The following FAT3 variants were observed in gnomAD, a reference collection of about 807,000 sequenced individuals.
FAT3 encodes FAT atypical cadherin 3, also known as protocadherin Fat 3.
In FAT3, 95 loss-of-function variants were observed where a neutral mutation model predicts 310.2. That is an observed-to-expected ratio of 0.31 (90% CI 0.26 to 0.36). The LOEUF (loss-of-function observed/expected upper bound fraction) is 0.36, where lower values mean the gene tolerates loss of function less well. Among genes scored for constraint, FAT3 ranks in the 10% least tolerant of loss-of-function variants. FAT3 has a pLI of 1.00. For synonymous variants in FAT3, 2,314 were observed against 2,192.9 expected (o/e 1.06, Z -1.54); for missense variants, 5,408 against 5,715.6 (o/e 0.95, Z 1.74).
chr11:92,321,764 A>G (rs1384354084), intron 1 of FAT3, among the ~76,000 whole-genome samples: 1 of 152,178 alleles, frequency 6.6e-6, no homozygotes, highest in Non-Finnish European at 1.5e-5. Flanking sequence ...ATAACCACTA[A>G]TGGTAACCCC....
chr11:92,229,492 G>GTTTTTTTTTTTTTTTTTTTTTCTTTT (rs780129800), intron 1 of FAT3, among the ~76,000 whole-genome samples: 1 of 60,236 alleles, frequency 1.7e-5, no homozygotes, highest in African/African-American at 5.9e-5. Context: ...GTTTTTTCGT[G>GTTTTTTTTTTTTTTTTTTTTTCTTTT]TTTTTTTTTT....
rs181532020 is a variant in FAT3, at chr11:92,268,387, A to G, written c.-18+43213A>G. Among the ~76,000 whole-genome samples, 16 of 152,192 alleles carry G rather than the reference A, an allele frequency of 1.1e-4. No homozygotes were observed. In the East Asian group the frequency reaches 1.9e-3, roughly 18 times the overall value. On this transcript the variant is annotated intron_variant, in intron 1 of 27. Transcript: ENST00000525166. Reference sequence around the variant, plus strand: ...TAGCTGCCTTAACTTCCCTAAACAGAGATCTTTTCCATAGATTATATGACG... The same window carrying G: ...TAGCTGCCTTAACTTCCCTAAACAGGGATCTTTTCCATAGATTATATGACG...
At chr11:92,536,665 C>T (rs930813225) in intron 3 of FAT3, among the ~76,000 whole-genome samples, 2 of 152,136 alleles carry the variant, frequency 1.3e-5, no homozygotes, top group Non-Finnish European at 2.9e-5. Context: ...AGGCCTTAGA[C>T]AGTTCGTCTT....
chr11:92,432,035 A>G (rs1204167369), intron 2 of FAT3, among the ~76,000 whole-genome samples: 1 of 152,184 alleles, frequency 6.6e-6, no homozygotes, highest in Non-Finnish European at 1.5e-5. Flanking sequence ...TTCTGTGAAG[A>G]AAGTCATTGG....
chr11:92,649,130 A>G (rs756631477), intron 3 of FAT3, among the ~76,000 whole-genome samples: 1 of 152,202 alleles, frequency 6.6e-6, no homozygotes, highest in Non-Finnish European at 1.5e-5. Flanking sequence ...AACAGATCTC[A>G]CCCTGGATTG....
chr11:92,291,009 C>T (rs1480303255), intron 1 of FAT3, among the ~76,000 whole-genome samples: 1 of 151,730 alleles, frequency 6.6e-6, no homozygotes, highest in South Asian at 2.1e-4. Context: ...TAGCTGTCCT[C>T]TTAAGGTGTC....
chr11:92,407,174 G>C (rs1462133825), intron 2 of FAT3, among the ~76,000 whole-genome samples: 1 of 152,182 alleles, frequency 6.6e-6, no homozygotes, highest in Non-Finnish European at 1.5e-5. Flanking sequence ...CAAGAGGGTA[G>C]TGGGGGCAAA....
At position 92,237,981 on chromosome 11, in the gene FAT3, C is replaced by T. The variant is rs530068385; in HGVS notation, c.-18+12807C>T. Among the ~76,000 whole-genome samples the T allele has an allele frequency of 5.9e-5, 9 of 152,206 alleles. No individual in the cohort carries two copies. In the South Asian group the frequency reaches 1.5e-3, roughly 25 times the overall value. The stretch of plus-strand genomic sequence containing the variant: ...CATACGCACTTTTGTTCTGGCATCA[C>T]CCATGTCCTATGAAGTAGATATTAA... On this transcript the variant is annotated intron_variant, in intron 1 of 27. Transcript: ENST00000525166.
At chr11:92,730,310 T>A (rs2135997001) in intron 4 of FAT3, among the ~76,000 whole-genome samples, 1 of 152,300 alleles carries the variant, frequency 6.6e-6, no homozygotes, top group South Asian at 2.1e-4. Context: ...TGTACTTCAG[T>A]CTGAGAGACA....
chr11:92,572,731 T>G (rs1331657840), intron 3 of FAT3, among the ~76,000 whole-genome samples: 1 of 152,196 alleles, frequency 6.6e-6, no homozygotes, highest in African/African-American at 2.4e-5. Flanking sequence ...AAGTTGTCCT[T>G]GTTCAGCCTA....
At chr11:92,561,392 A>C (rs1307759153) in intron 3 of FAT3, among the ~76,000 whole-genome samples, 2 of 152,086 alleles carry the variant, frequency 1.3e-5, no homozygotes, top group Non-Finnish European at 2.9e-5. Flanking sequence ...AAGAAAAGTC[A>C]ATTATTTGTT....
chr11:92,764,832 C>G (rs764703117), intron 5 of FAT3, 47 bp from the exon 6 acceptor site: 1 of 1,558,074 alleles, frequency 6.4e-7, no homozygotes, highest in Non-Finnish European at 8.8e-7. Flanking sequence ...AACTCTACAA[C>G]AATCAGAGGT....
intron 2 of FAT3, among the ~76,000 whole-genome samples, chr11:92,386,791 A>C (rs563187649): frequency 2.0e-5 from 3 of 152,362 alleles, no homozygotes; most frequent in Admixed American, 2.0e-4. Context: ...AACTGCTCCC[A>C]TTACAGCTTG....
chr11:92,775,353 A>G lies in FAT3; in HGVS notation c.4335+1173A>G, dbSNP rs117249339. On this transcript the variant is annotated intron_variant, in intron 7 of 27. Coordinates refer to ENST00000525166, the MANE Select transcript of FAT3 (RefSeq NM_001367949.2). ...AGTTTGAGACTATTTGAAAAATATA[A>G]TGCAACTCTTTTCTTTGAATCTGTT... is the stretch of plus-strand genomic sequence containing the variant. Among the ~76,000 whole-genome samples the G allele has an allele frequency of 7.3e-3, 1,110 of 152,342 alleles. 11 individuals are homozygous for G. Among genetic ancestry groups the G allele is most frequent in the African/African-American group, 0.026 (1,083 of 41,584 alleles).
chr11:92,722,069 A>G (rs1944877196), intron 4 of FAT3, among the ~76,000 whole-genome samples: 1 of 152,064 alleles, frequency 6.6e-6, no homozygotes, highest in African/African-American at 2.4e-5. Flanking sequence ...ATGACTTCTC[A>G]ACAGTCCCCC....
At chr11:92,229,654 T>C (rs907944584) in intron 1 of FAT3, among the ~76,000 whole-genome samples, 73 of 151,798 alleles carry the variant, frequency 4.8e-4, no homozygotes, top group Admixed American at 2.6e-4. Flanking sequence ...TCTAGTGGCT[T>C]CAAGCCAGTT....
intron 4 of FAT3, among the ~76,000 whole-genome samples, chr11:92,752,656 T>C (rs1008596571): frequency 1.3e-5 from 2 of 152,362 alleles, no homozygotes; most frequent in East Asian, 3.9e-4. Context: ...ACAGGTGTGA[T>C]TATATTATAT....
chr11:92,377,763 C>T (rs900550671), intron 2 of FAT3, among the ~76,000 whole-genome samples: 1 of 152,202 alleles, frequency 6.6e-6, no homozygotes, highest in East Asian at 1.9e-4. Flanking sequence ...GATCACTGCT[C>T]AGTAGGTATT....
At chr11:92,846,039 G>A (rs1948675543) in intron 19 of FAT3, among the ~76,000 whole-genome samples, 1 of 152,190 alleles carries the variant, frequency 6.6e-6, no homozygotes, top group South Asian at 2.1e-4. Context: ...TGCATGCTAG[G>A]TGAAATGCAT....
Sources: gnomAD v4.1 joint callset for allele counts (sites outside exome capture counted in the v4.1 genomes callset) on GRCh38, gnomAD v4.1.1 for gene constraint, MANE v1.5 for transcripts, NCBI Gene and HGNC (gene_info 2026-07-23, HGNC 2026-07-21) for gene names.